SDK1: variants seen among roughly 807,000 people sequenced by gnomAD.
SDK1 encodes protein sidekick-1.
A neutral mutation model predicts 245.5 loss-of-function variants in SDK1; 157 were observed. The observed-to-expected ratio is 0.64, with a 90% CI of 0.56 to 0.73. The LOEUF (loss-of-function observed/expected upper bound fraction) is 0.73, where lower values mean the gene tolerates loss of function less well. Among genes scored for constraint, SDK1 ranks in the 30% least tolerant of loss-of-function variants. The pLI, the probability that SDK1 is intolerant of heterozygous loss-of-function variation, is 0.00. For missense variants in SDK1, 3,583 were observed against 3,002.3 expected, an observed-to-expected ratio of 1.19 and a Z score of -4.52; for synonymous variants, 1,647 against 1,278.5, an observed-to-expected ratio of 1.29 and a Z score of -6.15.
chr7:4,111,691 G>A (rs1345662334), intron 23 of SDK1, among the ~76,000 whole-genome samples: 1 of 152,178 alleles, frequency 6.6e-6, no homozygotes, highest in Non-Finnish European at 1.5e-5. Context: ...GAAATTAACT[G>A]AAGCTATATA....
intron 1 of SDK1, among the ~76,000 whole-genome samples, chr7:3,548,284 A>T (rs893651998): frequency 2.6e-5 from 4 of 152,210 alleles, no homozygotes; most frequent in African/African-American, 9.6e-5. Flanking sequence ...GGAAAAAATA[A>T]TTGTAGGAAC....
rs556389007 is a variant in SDK1 at position 4,267,436 on chromosome 7, G to A, written c.*2052G>A. On this transcript the variant is annotated 3_prime_UTR_variant, in exon 45 of 45. Coordinates refer to ENST00000404826, the MANE Select transcript of SDK1 (RefSeq NM_152744.4). The stretch of plus-strand genomic sequence containing the variant: ...CCAAAGCCACTTCTGCATGAGAATC[G>A]CAACCCACAGTTCCCCGGATGAGAC... The A allele has an allele frequency of 7.5e-4, 735 of 985,334 alleles. No homozygotes were observed. The highest frequency in any genetic ancestry group is 8.6e-4 in the Non-Finnish European group (712 of 829,956). 61.0% of individuals were successfully genotyped at this position (985,334 alleles called of 1,614,324 possible).
chr7:4,132,572 A>G, intron 28 of SDK1, 149 bp downstream of exon 28: 1 of 594,442 alleles, frequency 1.7e-6, no homozygotes, highest in Non-Finnish European at 3.1e-6. Context: ...GAAAAAATTC[A>G]GACTATTAGC....
At chr7:3,886,237 A>T (rs962079635) in intron 5 of SDK1, among the ~76,000 whole-genome samples, 4 of 152,178 alleles carry the variant, frequency 2.6e-5, no homozygotes, top group African/African-American at 4.8e-5. Context: ...CGGGGATTCT[A>T]ATTCTCTGGA....
intron 1 of SDK1, among the ~76,000 whole-genome samples, chr7:3,611,712 A>C (rs999584587): frequency 9.2e-5 from 14 of 152,226 alleles, no homozygotes; most frequent in Admixed American, 8.5e-4. Flanking sequence ...AACATCTATT[A>C]TTTTTTGATT....
chr7:3,381,490 G>A lies in SDK1; in HGVS notation c.298+79606G>A, dbSNP rs1554503. Reference sequence around the variant, plus strand: ...TGATGCCAACTACGCAGGACAGAGAGGGGGCGGGGAAGGGGGAGTGACCTG... The same window carrying A: ...TGATGCCAACTACGCAGGACAGAGAAGGGGCGGGGAAGGGGGAGTGACCTG... On this transcript the variant is annotated intron_variant, in intron 1 of 44. Coordinates refer to ENST00000404826, the MANE Select transcript of SDK1 (RefSeq NM_152744.4). Among the ~76,000 whole-genome samples the A allele has an allele frequency of 6.9e-3, 1,049 of 152,266 alleles. 13 individuals are homozygous for A. Among genetic ancestry groups the A allele is most frequent in the African/African-American group, 0.024 (1,007 of 41,542 alleles).
Position 3,644,773 on chromosome 7 carries a change from C to CAAAA in SDK1, c.713+2684_713+2687dup, listed in dbSNP as rs34276127. ...GGGTGACAGAGCAAGACCCTGTCTC[C>CAAAA]AAAAAAAAAAAAAAAAAAACAAAAA... On this transcript the variant is annotated intron_variant, in intron 4 of 44. Coordinates refer to ENST00000404826, the MANE Select transcript of SDK1 (RefSeq NM_152744.4). Among the ~76,000 whole-genome samples the CAAAA allele has an allele frequency of 8.6e-3, 345 of 39,958 alleles. 31 individuals are homozygous for CAAAA. Among genetic ancestry groups the CAAAA allele is most frequent in the African/African-American group, 0.024 (246 of 10,210 alleles). 26.2% of individuals were successfully genotyped at this position (39,958 alleles called of 152,430 possible). A position where few individuals can be genotyped will look rare whatever the true frequency, so the allele number is the denominator to read the frequency against.
At chr7:3,900,406 C>T (rs1781747051) in intron 5 of SDK1, among the ~76,000 whole-genome samples, 1 of 152,172 alleles carries the variant, frequency 6.6e-6, no homozygotes, top group Non-Finnish European at 1.5e-5. Context: ...TTTTCATCCC[C>T]AGGTTGGTTA....
chr7:3,395,943 T>C (rs1781885639), intron 1 of SDK1, among the ~76,000 whole-genome samples: 1 of 151,840 alleles, frequency 6.6e-6, no homozygotes, highest in African/African-American at 2.4e-5. Flanking sequence ...GTTTTTCTGT[T>C]TTACATTTCT....
In SDK1 at chr7:4,110,681, G is replaced by A. The variant is rs757106697; in HGVS notation, c.3343G>A (p.Glu1115Lys). ...VEGQVGAIGD[E>K]EEWVTLYEEE... ...TGCACAGGTGGGAGCTATCGGCGAC[G>A]AGGAGGAGTGGGTCACCCTCTATGA... Residue 1115 changes from glutamate to lysine, a missense_variant, in exon 23 of 45, where the codon GAG becomes AAG. Physicochemically the swap from Glu to Lys is moderately conservative, Grantham distance 56. Coordinates refer to ENST00000404826, the MANE Select transcript of SDK1 (RefSeq NM_152744.4). 5.6e-5 allele frequency: 91 copies of A among 1,613,546 alleles called. No homozygotes were observed. Among genetic ancestry groups the A allele is most frequent in the Admixed American group, 6.7e-5 (4 of 60,002 alleles).
At chr7:3,845,354 G>T (rs920238217) in intron 5 of SDK1, among the ~76,000 whole-genome samples, 1 of 151,998 alleles carries the variant, frequency 6.6e-6, no homozygotes, top group African/African-American at 2.4e-5. Flanking sequence ...GCTGGGCGTG[G>T]TGGTGCATGC....
At chr7:3,613,119 G>GC in intron 1 of SDK1, among the ~76,000 whole-genome samples, 2 of 152,278 alleles carry the variant, frequency 1.3e-5, no homozygotes, top group Middle Eastern at 6.8e-3. Context: ...TATTCATTCT[G>GC]CCGTTGAAGG....
intron 5 of SDK1, among the ~76,000 whole-genome samples, chr7:3,938,078 C>T (rs764092451): frequency 1.5e-4 from 23 of 152,174 alleles, no homozygotes; most frequent in Admixed American, 5.2e-4. Context: ...CTCAGGCGAT[C>T]CACCTGCCTT....
At chr7:3,389,902 G>A (rs575284638) in intron 1 of SDK1, among the ~76,000 whole-genome samples, 22 of 152,252 alleles carry the variant, frequency 1.4e-4, no homozygotes, top group African/African-American at 4.8e-4. Context: ...AAAACCCCAG[G>A]TTGCCTTGAA....
chr7:3,800,223 C>G (rs1461247694), intron 4 of SDK1, among the ~76,000 whole-genome samples: 1 of 151,988 alleles, frequency 6.6e-6, no homozygotes, highest in African/African-American at 2.4e-5. Flanking sequence ...ATTTTTAATC[C>G]CTTGTTCTCT....
chr7:3,545,746 A>G (rs926855670), intron 1 of SDK1, among the ~76,000 whole-genome samples: 4 of 152,210 alleles, frequency 2.6e-5, no homozygotes, highest in African/African-American at 9.6e-5. Flanking sequence ...GCAAGATGAC[A>G]TTTCTGAGAC....
intron 17 of SDK1, among the ~76,000 whole-genome samples, chr7:4,021,443 C>G (rs1786886773): frequency 6.6e-6 from 1 of 152,184 alleles, no homozygotes; most frequent in Non-Finnish European, 1.5e-5. Flanking sequence ...CCCACAGTGA[C>G]AGGAGCTTAA....
At chr7:3,501,209 T>C (rs989143106) in intron 1 of SDK1, among the ~76,000 whole-genome samples, 1 of 152,156 alleles carries the variant, frequency 6.6e-6, no homozygotes, top group African/African-American at 2.4e-5. Flanking sequence ...GTAACTTTTG[T>C]CAGTATCTTT....
chr7:3,546,425 G>GT (rs1192396429), intron 1 of SDK1, among the ~76,000 whole-genome samples: 1 of 152,126 alleles, frequency 6.6e-6, no homozygotes, highest in Admixed American at 6.5e-5. Flanking sequence ...CACTAAAGCC[G>GT]TTTTTAAAAA....
Sources: allele counts gnomAD v4.1 joint callset (sites outside exome capture counted in the v4.1 genomes callset), GRCh38; gene constraint gnomAD v4.1.1; transcripts MANE v1.5; gene names NCBI Gene and HGNC (gene_info 2026-07-23, HGNC 2026-07-21).